Variants in PPM1F observed in about 807,000 individuals in gnomAD.
PPM1F encodes the protein protein phosphatase, Mg2+/Mn2+ dependent 1F, also known as protein phosphatase 1F.
In PPM1F, 17 loss-of-function variants were observed where a neutral mutation model predicts 35.5. That is an observed-to-expected ratio of 0.48 (90% CI 0.33 to 0.72). PPM1F has a LOEUF of 0.72. Ranked by LOEUF, PPM1F falls within the 30% of genes least tolerant of loss-of-function variation. The pLI, the probability that PPM1F is intolerant of heterozygous loss-of-function variation, is 0.02. For synonymous variants in PPM1F, 241 were observed against 255.5 expected (o/e 0.94, Z 0.54); for missense variants, 521 against 613.0 (o/e 0.85, Z 1.59).
chr22:21,931,650 T>G (rs1239860934), intron 5 of PPM1F, among the ~76,000 whole-genome samples: 2 of 148,472 alleles, frequency 1.3e-5, no homozygotes, highest in African/African-American at 5.0e-5. Flanking sequence ...GTAGCTAAGA[T>G]TACAGGCGTA....
At chr22:21,933,116 C>T (rs577288920) in intron 5 of PPM1F, among the ~76,000 whole-genome samples, 33 of 152,340 alleles carry the variant, frequency 2.2e-4, no homozygotes, top group Admixed American at 7.2e-4. Context: ...ATCCCAGGAA[C>T]GCTTGACCAC....
chr22:21,931,269 C>G lies in PPM1F; in HGVS notation c.770G>C (p.Gly257Ala). 3 of 1,613,008 alleles carry G rather than the reference C, an allele frequency of 1.9e-6. No homozygotes were observed. The South Asian group carries it at 3.3e-5, about 18-fold the overall frequency. ...CGCTCCTGCAATGAGCGCACACACA[C>G]CTGTGGTGCCGCTCTGCAGCCGCTG... is the stretch of plus-strand genomic sequence containing the variant. Reference protein sequence around the residue: ...KRERLQSGTTGVCALIAGATL... With the variant: ...KRERLQSGTTAVCALIAGATL... Residue 257 changes from glycine to alanine, a missense_variant, in exon 6 of 8, where the codon GGT becomes GCT. By Grantham distance (60) the Gly-to-Ala change is moderately conservative (BLOSUM62 0). Coordinates refer to ENST00000263212, the MANE Select transcript of PPM1F (RefSeq NM_014634.4).
chr22:21,919,708 C>CA lies in PPM1F; in HGVS notation c.*3383_*3384insT, dbSNP rs903488208. ...TGCACAGGACTCTGGGGGCTGCCCC[C>CA]CTTGAGCTACAGAGGCAGAATCGAA... On this transcript the variant is annotated 3_prime_UTR_variant, in exon 8 of 8. Transcript: ENST00000263212. 126 of 152,458 alleles carry CA rather than the reference C, an allele frequency of 8.3e-4. No homozygotes were observed. Among genetic ancestry groups the CA allele is most frequent in the African/African-American group, 2.8e-3 (116 of 41,596 alleles). 9.4% of individuals were successfully genotyped at this position (152,458 alleles called of 1,614,324 possible). A position where few individuals can be genotyped will look rare whatever the true frequency, so the allele number is the denominator to read the frequency against.
intron 5 of PPM1F, among the ~76,000 whole-genome samples, chr22:21,933,045 T>C (rs2070611710): frequency 6.6e-6 from 1 of 152,176 alleles, no homozygotes; most frequent in South Asian, 2.1e-4. Context: ...CTGTGAGTAG[T>C]AGACTCTTTG....
At position 21,941,810 on chromosome 22, in the gene PPM1F, G is replaced by A. The variant is rs3788334; in HGVS notation, c.207-2130C>T. ...GCAGGCTGAAAGCAAACCGACAGGAGGGTTAGCGTCTTTTAGCAGGTAGGC... is the reference window on the plus strand; with the variant it reads ...GCAGGCTGAAAGCAAACCGACAGGAAGGTTAGCGTCTTTTAGCAGGTAGGC... On this transcript the variant is annotated intron_variant, in intron 2 of 7. Transcript: ENST00000263212. The A allele has an allele frequency of 2.5e-3, 383 of 152,588 alleles. 9 individuals carry two copies. In the East Asian group the frequency reaches 0.043, roughly 17 times the overall value. The allele number at this position is 152,588 out of a possible 1,614,324, so 9.5% of individuals were successfully genotyped here.
At chr22:21,945,346 G>A (rs1215300550) in intron 2 of PPM1F, 1 of 153,660 alleles carries the variant, frequency 6.5e-6, no homozygotes, top group Non-Finnish European at 1.4e-5. Context: ...CAAAAAGAAA[G>A]ATGAGATCAC....
chr22:21,922,943 GGGGGTGTCCC>G lies in PPM1F; in HGVS notation c.*139_*148del. ...TCCACAGCCACCAGGACGGGCTGCG[GGGGGTGTCCC>G]GACTGGCTCTGGGGTGCTGGGGAAA... is the stretch of plus-strand genomic sequence containing the variant. On this transcript the variant is annotated 3_prime_UTR_variant, in exon 8 of 8. Coordinates refer to ENST00000263212, the MANE Select transcript of PPM1F (RefSeq NM_014634.4). The G allele has an allele frequency of 9.4e-7, 1 of 1,067,580 alleles. No homozygotes were observed. The highest frequency in any genetic ancestry group is 1.4e-6 in the Non-Finnish European group (1 of 736,734). The allele number at this position is 1,067,580 out of a possible 1,614,324, so 66.1% of individuals were successfully genotyped here. A position where few individuals can be genotyped will look rare whatever the true frequency, so the allele number is the denominator to read the frequency against.
intron 1 of PPM1F, chr22:21,949,145 A>ATGTG (rs1265573266): frequency 6.6e-6 from 1 of 152,258 alleles, no homozygotes; most frequent in African/African-American, 2.4e-5. Flanking sequence ...GGGTGTGATG[A>ATGTG]TGTGTGTGTG....
rs899724042 is a variant in PPM1F, at chr22:21,925,477, C to T, written c.985+92G>A. 2.8e-6 allele frequency: 3 copies of T among 1,056,674 alleles called. No individual in the cohort carries two copies. The Admixed American group carries it at 5.9e-5, about 21-fold the overall frequency. The allele number at this position is 1,056,674 out of a possible 1,614,324, so 65.5% of individuals were successfully genotyped here. On this transcript the variant is annotated intron_variant, in intron 7 of 7. Transcript: ENST00000263212. ...AATCCCCCTCGGCCCATCACACTGC[C>T]TCCCTGAACCCCTGGTGAGCCGCGG... is the stretch of plus-strand genomic sequence containing the variant.
intron 7 of PPM1F, among the ~76,000 whole-genome samples, chr22:21,923,854 T>C (rs1472137661): frequency 6.6e-6 from 1 of 151,604 alleles, no homozygotes; most frequent in East Asian, 1.9e-4. Flanking sequence ...ATTGTTTTTT[T>C]TTTTTTTTGT....
At chr22:21,926,461 G>A (rs1309018964) in intron 6 of PPM1F, among the ~76,000 whole-genome samples, 3 of 152,064 alleles carry the variant, frequency 2.0e-5, no homozygotes, top group Non-Finnish European at 4.4e-5. Flanking sequence ...CCCAAGCTCA[G>A]CACAGGCACA....
intron 1 of PPM1F, chr22:21,948,111 A>G (rs755761401): frequency 5.3e-5 from 8 of 152,208 alleles, no homozygotes; most frequent in Non-Finnish European, 1.2e-4. Context: ...TATGGTTCAC[A>G]TTTACTCACA....
chr22:21,946,086 C>A lies in PPM1F; in HGVS notation c.-38G>T, dbSNP rs370937408. The A allele has an allele frequency of 2.7e-6, 4 of 1,466,102 alleles. No individual in the cohort carries two copies. Among genetic ancestry groups the A allele is most frequent in the Non-Finnish European group, 9.1e-7 (1 of 1,099,758 alleles). The allele number at this position is 1,466,102 out of a possible 1,614,324, so 90.8% of individuals were successfully genotyped here. A position where few individuals can be genotyped will look rare whatever the true frequency, so the allele number is the denominator to read the frequency against. ...CCGGGGGCCTGCAGCTAGGCCAGGG[C>A]AAGAGGGTCTCCAGGCTTCACCCTG... On this transcript the variant is annotated 5_prime_UTR_variant, in exon 2 of 8. Coordinates refer to ENST00000263212, the MANE Select transcript of PPM1F (RefSeq NM_014634.4).
chr22:21,923,886 C>T (rs1272032779), intron 7 of PPM1F, among the ~76,000 whole-genome samples: 2 of 147,052 alleles, frequency 1.4e-5, no homozygotes, highest in Non-Finnish European at 3.0e-5. Context: ...GATGGGGTTT[C>T]ACCATGTTGG....
At chr22:21,947,243 T>G (rs1379117714) in intron 1 of PPM1F, 1 of 152,770 alleles carries the variant, frequency 6.5e-6, no homozygotes, top group Non-Finnish European at 1.5e-5. Context: ...CCCTTCCATG[T>G]TCTTTGCGTC....
In PPM1F at chr22:21,946,080, C is replaced by G; in HGVS notation, c.-32G>C. On this transcript the variant is annotated 5_prime_UTR_variant, in exon 2 of 8. Coordinates refer to ENST00000263212, the MANE Select transcript of PPM1F (RefSeq NM_014634.4). ...AGCATCCCGGGGGCCTGCAGCTAGG[C>G]CAGGGCAAGAGGGTCTCCAGGCTTC... The G allele has an allele frequency of 3.4e-6, 5 of 1,485,814 alleles. No individual in the cohort carries two copies. Among genetic ancestry groups the G allele is most frequent in the Middle Eastern group, 2.2e-4 (1 of 4,536 alleles). 92.0% of individuals were successfully genotyped at this position (1,485,814 alleles called of 1,614,324 possible).
intron 3 of PPM1F, chr22:21,938,266 C>A (rs1426771351): frequency 1.6e-6 from 2 of 1,284,644 alleles, no homozygotes; most frequent in South Asian, 2.5e-5. Context: ...AGGGCCTGGG[C>A]GGTGGCGGCG....
chr22:21,929,433 C>T lies in PPM1F; in HGVS notation c.891+1715G>A, dbSNP rs183821445. ...GACCCCTGTGTGATGGACTTGGAAG[C>T]GGTGGAGCCGGGACCAGGCAAGGCC... On this transcript the variant is annotated intron_variant, in intron 6 of 7. Coordinates refer to ENST00000263212, the MANE Select transcript of PPM1F (RefSeq NM_014634.4). 1.7e-3 allele frequency among the ~76,000 whole-genome samples: 266 copies of T among 152,334 alleles called. 3 individuals are homozygous for T. The highest frequency in any genetic ancestry group is 0.015 in the Admixed American group (236 of 15,300).
intron 3 of PPM1F, chr22:21,937,100 T>C (rs2236726): frequency 0.1 from 15,966 of 152,190 alleles, 910 homozygotes; most frequent in Non-Finnish European, 0.12. Context: ...CAGGTGCATG[T>C]GGCAAGCATG....
Sources: gnomAD v4.1 joint callset for allele counts (sites outside exome capture counted in the v4.1 genomes callset) on GRCh38, gnomAD v4.1.1 for gene constraint, MANE v1.5 for transcripts, NCBI Gene and HGNC (gene_info 2026-07-23, HGNC 2026-07-21) for gene names.